The following LRRTM4 variants were observed in gnomAD, a reference collection of about 807,000 sequenced individuals.
LRRTM4 encodes leucine-rich repeat transmembrane neuronal protein 4.
In LRRTM4, 25 loss-of-function variants were observed where a neutral mutation model predicts 47.6. The ratio of observed to expected loss-of-function variants is 0.53; its 90% CI spans 0.38 to 0.73. The LOEUF (loss-of-function observed/expected upper bound fraction) is 0.73. Among genes scored for constraint, LRRTM4 ranks in the 30% least tolerant of loss-of-function variants. LRRTM4 has a pLI of 0.00. For missense variants in LRRTM4, 638 were observed against 713.4 expected (o/e 0.89, Z 1.20); for synonymous variants, 311 against 269.5 (o/e 1.15, Z -1.51).
chr2:77,226,521 A>T (rs1307952504), intron 3 of LRRTM4, among the ~76,000 whole-genome samples: 1 of 138,260 alleles, frequency 7.2e-6, no homozygotes, highest in East Asian at 2.1e-4. Context: ...TGTGCTTATT[A>T]CAGAGCAAAT....
intron 3 of LRRTM4, among the ~76,000 whole-genome samples, chr2:76,974,183 C>CATATATAT (rs1212091446): frequency 9.8e-6 from 1 of 102,432 alleles, no homozygotes; most frequent in African/African-American, 5.2e-5. Flanking sequence ...CATATATATA[C>CATATATAT]ATACATATAT....
intron 3 of LRRTM4, among the ~76,000 whole-genome samples, chr2:76,875,223 TAATC>T (rs1672744944): frequency 6.6e-6 from 1 of 152,136 alleles, no homozygotes; most frequent in African/African-American, 2.4e-5. Context: ...ATAAGATAAA[TAATC>T]ATTTCTGTGG....
intron 3 of LRRTM4, among the ~76,000 whole-genome samples, chr2:77,363,071 G>A (rs1416488441): frequency 6.6e-6 from 1 of 152,200 alleles, no homozygotes; most frequent in Admixed American, 6.5e-5. Flanking sequence ...TCTAAGATCA[G>A]TAAGGGTTAA....
At chr2:76,813,555 AT>A (rs1174393889) in intron 3 of LRRTM4, among the ~76,000 whole-genome samples, 1 of 152,070 alleles carries the variant, frequency 6.6e-6, no homozygotes, top group Non-Finnish European at 1.5e-5. Context: ...TAATTTATGT[AT>A]TTTAGGTGCA....
chr2:77,477,629 G>T (rs913442086), intron 3 of LRRTM4, among the ~76,000 whole-genome samples: 1 of 151,808 alleles, frequency 6.6e-6, no homozygotes, highest in African/African-American at 2.4e-5. Context: ...GATGACCTGA[G>T]GTTGGGAGTT....
intron 3 of LRRTM4, among the ~76,000 whole-genome samples, chr2:77,088,682 T>G (rs1221491998): frequency 6.6e-6 from 1 of 152,162 alleles, no homozygotes; most frequent in African/African-American, 2.4e-5. Flanking sequence ...TGAAATTTGG[T>G]GCCGTGACTT....
chr2:76,780,847 G>C, intron 3 of LRRTM4, among the ~76,000 whole-genome samples: 1 of 150,822 alleles, frequency 6.6e-6, no homozygotes, highest in Admixed American at 6.7e-5. Flanking sequence ...GCTTTTCAGA[G>C]TTTCCAGTTT....
intron 3 of LRRTM4, among the ~76,000 whole-genome samples, chr2:77,145,726 A>C (rs1672240166): frequency 6.6e-6 from 1 of 152,014 alleles, no homozygotes; most frequent in African/African-American, 2.4e-5. Context: ...GTGAGCAGAG[A>C]TCATGCCACT....
intron 3 of LRRTM4, among the ~76,000 whole-genome samples, chr2:77,353,503 C>T (rs1457595573): frequency 2.0e-5 from 3 of 152,116 alleles, no homozygotes; most frequent in African/African-American, 7.2e-5. Flanking sequence ...ATGCTTTCCA[C>T]TTTTTCTGTA....
intron 3 of LRRTM4, among the ~76,000 whole-genome samples, chr2:77,357,829 C>G: frequency 6.6e-6 from 1 of 152,006 alleles, no homozygotes; most frequent in East Asian, 1.9e-4. Flanking sequence ...GTAATGAAGG[C>G]TCACTATAAA....
intron 3 of LRRTM4, among the ~76,000 whole-genome samples, chr2:77,313,694 C>T (rs1236104126): frequency 6.6e-6 from 1 of 152,074 alleles, no homozygotes; most frequent in Non-Finnish European, 1.5e-5. Context: ...GTGTGGTAAT[C>T]CTGTCCCCAA....
intron 3 of LRRTM4, among the ~76,000 whole-genome samples, chr2:76,967,670 G>A (rs1325265188): frequency 6.6e-6 from 1 of 151,656 alleles, no homozygotes; most frequent in African/African-American, 2.4e-5. Context: ...AACGCATGAG[G>A]ATTCCTCTTC....
At chr2:77,267,163 T>C (rs1257805712) in intron 3 of LRRTM4, among the ~76,000 whole-genome samples, 7 of 152,146 alleles carry the variant, frequency 4.6e-5, no homozygotes, top group African/African-American at 1.2e-4. Flanking sequence ...AATGAAGCAA[T>C]TGAAATCAAG....
intron 3 of LRRTM4, among the ~76,000 whole-genome samples, chr2:76,775,139 T>C (rs1673908148): frequency 6.6e-6 from 1 of 152,212 alleles, no homozygotes; most frequent in South Asian, 2.1e-4. Context: ...ATCTTATGAA[T>C]TCATTCACAA....
intron 3 of LRRTM4, among the ~76,000 whole-genome samples, chr2:77,256,290 A>G (rs1411940157): frequency 6.6e-6 from 1 of 152,164 alleles, no homozygotes; most frequent in African/African-American, 2.4e-5. Context: ...ATACTAAAAA[A>G]TAAATCTCCA....
intron 3 of LRRTM4, among the ~76,000 whole-genome samples, chr2:77,152,545 G>T (rs934281478): frequency 1.3e-5 from 2 of 151,954 alleles, no homozygotes; most frequent in African/African-American, 4.8e-5. Context: ...AGCCACAATG[G>T]TCTTGATCTC....
chr2:76,973,324 C>T (rs1322007027), intron 3 of LRRTM4, among the ~76,000 whole-genome samples: 1 of 151,808 alleles, frequency 6.6e-6, no homozygotes, highest in Non-Finnish European at 1.5e-5. Context: ...TACTAGTTGT[C>T]CCAGTTCCCA....
intron 3 of LRRTM4, among the ~76,000 whole-genome samples, chr2:76,758,938 A>G (rs1673158152): frequency 6.6e-6 from 1 of 152,188 alleles, no homozygotes; most frequent in Non-Finnish European, 1.5e-5. Context: ...TGAACAAAAC[A>G]TAAATGAATG....
At chr2:77,048,646 T>C (rs775844161) in intron 3 of LRRTM4, among the ~76,000 whole-genome samples, 22 of 152,004 alleles carry the variant, frequency 1.4e-4, no homozygotes, top group African/African-American at 5.1e-4. Context: ...TTTTAATACA[T>C]ACACGATAAC....
Sources: gnomAD v4.1 joint callset for allele counts (sites outside exome capture counted in the v4.1 genomes callset) on GRCh38, gnomAD v4.1.1 for gene constraint, MANE v1.5 for transcripts, NCBI Gene and HGNC (gene_info 2026-07-23, HGNC 2026-07-21) for gene names.